Variants in ADAMTS6 observed in about 807,000 individuals in gnomAD.
The protein encoded by ADAMTS6 is A disintegrin and metalloproteinase with thrombospondin motifs 6.
ADAMTS6 carries 23 observed loss-of-function variants against 144.3 expected under a neutral mutation model. The ratio of observed to expected loss-of-function variants is 0.16; its 90% CI spans 0.11 to 0.23. The LOEUF is 0.23. Among genes scored for constraint, ADAMTS6 ranks in the 10% least tolerant of loss-of-function variants. The pLI is 1.00. For synonymous variants in ADAMTS6, 444 were observed against 457.5 expected (o/e 0.97, Z 0.38); for missense variants, 999 against 1,379.6 (o/e 0.72, Z 4.37).
intron 9 of ADAMTS6, among the ~76,000 whole-genome samples, chr5:65,323,488 G>A (rs1374242099): frequency 6.6e-6 from 1 of 151,984 alleles, no homozygotes; most frequent in African/African-American, 2.4e-5. Flanking sequence ...TGGTGCATAT[G>A]TGCCACATTT....
At chr5:65,375,822 T>A (rs1417979434) in intron 7 of ADAMTS6, among the ~76,000 whole-genome samples, 2 of 152,200 alleles carry the variant, frequency 1.3e-5, no homozygotes, top group East Asian at 1.9e-4. Context: ...GTATGTTTAT[T>A]ACGGCATTAT....
chr5:65,245,531 T>C (rs897507291), intron 14 of ADAMTS6, among the ~76,000 whole-genome samples: 6 of 152,180 alleles, frequency 3.9e-5, no homozygotes, highest in African/African-American at 1.4e-4. Flanking sequence ...ATGTAATCAA[T>C]TTCCTGCATT....
In ADAMTS6 at chr5:65,172,907, G is replaced by C; in HGVS notation, c.3012C>G (p.Ser1004Arg). ...TFPAAQCPEE[S>R]KPPVRIRCSL... ...TGCAGCGGATGCGGACAGGAGGTTT[G>C]CTTTCCTCTGGACATTGTGCAGCTG... The change falls in exon 23 of 25, where the codon AGC becomes AGG. Residue 1004 changes from serine to arginine, a missense_variant. By Grantham distance (110) the Ser-to-Arg change is moderately radical. This residue lies in a region of ADAMTS6 where 619 missense variants were observed against 837.0 expected (regional missense o/e 0.74). Transcript: ENST00000381055. The C allele has an allele frequency of 6.2e-7, 1 of 1,614,220 alleles. No individual in the cohort carries two copies.
chr5:65,454,467 T>C (rs971882990), intron 4 of ADAMTS6, among the ~76,000 whole-genome samples: 1 of 152,166 alleles, frequency 6.6e-6, no homozygotes, highest in African/African-American at 2.4e-5. Flanking sequence ...CAGATAGTGT[T>C]TCTCTATATC....
chr5:65,324,606 T>C (rs764328267), intron 9 of ADAMTS6, among the ~76,000 whole-genome samples: 118 of 152,076 alleles, frequency 7.8e-4, no homozygotes, highest in African/African-American at 1.5e-3. Context: ...TAAAAGTCTT[T>C]ATCATATTTA....
chr5:65,395,348 T>C (rs186302601), intron 7 of ADAMTS6, among the ~76,000 whole-genome samples: 2 of 152,326 alleles, frequency 1.3e-5, no homozygotes, highest in East Asian at 3.9e-4. Flanking sequence ...TTAAACAAAG[T>C]AGGTGCTATT....
In ADAMTS6 at chr5:65,216,342, T is replaced by C. The variant is rs113522628; in HGVS notation, c.2273-855A>G. Reference sequence around the variant, plus strand: ...AAGAGACCAGACAGGAAAGATCACATATAGTATGCTTCCATCTATATAAAA... The same window carrying C: ...AAGAGACCAGACAGGAAAGATCACACATAGTATGCTTCCATCTATATAAAA... On this transcript the variant is annotated intron_variant, in intron 18 of 24. Coordinates refer to ENST00000381055, the MANE Select transcript of ADAMTS6 (RefSeq NM_197941.4). Among the ~76,000 whole-genome samples, 1,133 of 151,000 alleles carry C rather than the reference T, an allele frequency of 7.5e-3. 13 individuals are homozygous for C. Among genetic ancestry groups the C allele is most frequent in the African/African-American group, 0.027 (1,104 of 41,022 alleles).
At position 65,239,328 on chromosome 5, in the gene ADAMTS6, G is replaced by A. The variant is rs189236706; in HGVS notation, c.1933+2776C>T. On this transcript the variant is annotated intron_variant, in intron 15 of 24. Transcript: ENST00000381055. ...ATAGTAATCAAGTCAGTGTAGTACT[G>A]GCACAGGACTGACAGATCAACAAAA... Among the ~76,000 whole-genome samples the A allele has an allele frequency of 8.7e-4, 130 of 149,556 alleles. 1 individual carries two copies. The highest frequency in any genetic ancestry group is 3.0e-3 in the African/African-American group (124 of 40,790).
chr5:65,451,443 A>G, intron 7 of ADAMTS6, 32 bp downstream of exon 7: 2 of 1,612,258 alleles, frequency 1.2e-6, no homozygotes, highest in South Asian at 1.1e-5. Flanking sequence ...AAACACAACA[A>G]TCAATGGAAA....
At chr5:65,311,799 T>C (rs1456240551) in intron 9 of ADAMTS6, among the ~76,000 whole-genome samples, 1 of 152,086 alleles carries the variant, frequency 6.6e-6, no homozygotes, top group African/African-American at 2.4e-5. Context: ...GTAAATTTAA[T>C]TTGCATTTAG....
chr5:65,215,638 T>C, intron 18 of ADAMTS6, 151 bp from the exon 19 acceptor site: 2 of 654,424 alleles, frequency 3.1e-6, no homozygotes, highest in Non-Finnish European at 4.9e-6. Context: ...ATTAAAATGG[T>C]ATTTTTCATG....
chr5:65,268,741 C>T (rs1416322199), intron 12 of ADAMTS6, among the ~76,000 whole-genome samples: 1 of 152,196 alleles, frequency 6.6e-6, no homozygotes, highest in Admixed American at 6.5e-5. Flanking sequence ...ATATTTCTTA[C>T]TCCATCTGTT....
chr5:65,410,861 AG>A (rs1052571816), intron 7 of ADAMTS6, among the ~76,000 whole-genome samples: 1 of 152,146 alleles, frequency 6.6e-6, no homozygotes, highest in African/African-American at 2.4e-5. Flanking sequence ...CTTTTCTTTT[AG>A]GAACTCATTC....
chr5:65,297,989 C>T (rs1743005016), intron 10 of ADAMTS6, among the ~76,000 whole-genome samples: 1 of 152,170 alleles, frequency 6.6e-6, no homozygotes, highest in African/African-American at 2.4e-5. Flanking sequence ...CACATACATG[C>T]TATAAAGCTT....
At chr5:65,313,698 T>C (rs1744718950) in intron 9 of ADAMTS6, among the ~76,000 whole-genome samples, 1 of 152,120 alleles carries the variant, frequency 6.6e-6, no homozygotes, top group Admixed American at 6.6e-5. Flanking sequence ...TGGCACTATA[T>C]AGCTTTGAAA....
intron 7 of ADAMTS6, among the ~76,000 whole-genome samples, chr5:65,382,032 C>G (rs1276187499): frequency 6.6e-6 from 1 of 152,138 alleles, no homozygotes; most frequent in African/African-American, 2.4e-5. Context: ...GCTAGCAGCT[C>G]CCTTGGACTA....
rs115353796 is a variant in ADAMTS6 at position 65,344,139 on chromosome 5, C to A, written c.1074-10054G>T. Among the ~76,000 whole-genome samples, 363 of 151,970 alleles carry A rather than the reference C, an allele frequency of 2.4e-3. 1 individual carries two copies. Among genetic ancestry groups the A allele is most frequent in the African/African-American group, 8.4e-3 (348 of 41,522 alleles). The stretch of plus-strand genomic sequence containing the variant: ...TTTTGCCCTGGCAAAACTGTCCCCA[C>A]ACCATTTTAAAATATTGATTTAGCT... On this transcript the variant is annotated intron_variant, in intron 7 of 24. Transcript: ENST00000381055.
chr5:65,262,214 A>G (rs983952049), intron 13 of ADAMTS6, among the ~76,000 whole-genome samples: 1 of 152,202 alleles, frequency 6.6e-6, no homozygotes, highest in African/African-American at 2.4e-5. Flanking sequence ...CTCTGGCTGG[A>G]GAAAACAGTG....
chr5:65,338,691 G>A (rs1747542338), intron 7 of ADAMTS6, among the ~76,000 whole-genome samples: 1 of 152,168 alleles, frequency 6.6e-6, no homozygotes, highest in East Asian at 1.9e-4. Flanking sequence ...CAGGAATATA[G>A]CCCCATGGGC....
Sources: gnomAD v4.1 joint callset for allele counts (sites outside exome capture counted in the v4.1 genomes callset) on GRCh38, gnomAD v4.1.1 for gene constraint, gnomAD v4.1.1 regional missense constraint, MANE v1.5 for transcripts, NCBI Gene and HGNC (gene_info 2026-07-23, HGNC 2026-07-21) for gene names.